ZNF354A: variants seen among roughly 807,000 people sequenced by gnomAD.
ZNF354A encodes epididymis luminal protein 104.
In ZNF354A, 25 loss-of-function variants were observed where a neutral mutation model predicts 53.3. The observed-to-expected ratio is 0.47, with a 90% CI of 0.34 to 0.66. The LOEUF is 0.66. Among genes scored for constraint, ZNF354A ranks in the 30% least tolerant of loss-of-function variants. The pLI is 0.01. For missense variants in ZNF354A, 586 were observed against 716.8 expected, an observed-to-expected ratio of 0.82 and a Z score of 2.08; for synonymous variants, 228 against 249.0, an observed-to-expected ratio of 0.92 and a Z score of 0.79.
At chr5:178,727,939 C>T (rs1362396872) in intron 2 of ZNF354A, among the ~76,000 whole-genome samples, 2 of 152,134 alleles carry the variant, frequency 1.3e-5, no homozygotes, top group Non-Finnish European at 2.9e-5. Context: ...TAACCTCCAC[C>T]TTCCGGGTTC....
chr5:178,711,838 T>C lies in ZNF354A; in HGVS notation c.*222A>G, dbSNP rs371737094. The C allele has an allele frequency of 8.9e-5, 42 of 473,322 alleles. 1 individual carries two copies. In the Admixed American group the frequency reaches 9.1e-4, roughly 10 times the overall value. The allele number at this position is 473,322 out of a possible 1,614,324, so 29.3% of individuals were successfully genotyped here. A position where few individuals can be genotyped will look rare whatever the true frequency, so the allele number is the denominator to read the frequency against. ...AAATGGCTAAAGTCAATGTCTTCAATTGTAAATTCTTCATCTCAGGTTATT... is the reference window on the plus strand; with the variant it reads ...AAATGGCTAAAGTCAATGTCTTCAACTGTAAATTCTTCATCTCAGGTTATT... On this transcript the variant is annotated 3_prime_UTR_variant, in exon 5 of 5. Coordinates refer to ENST00000335815, the MANE Select transcript of ZNF354A (RefSeq NM_005649.3).
At chr5:178,718,235 G>C (rs2113873136) in intron 4 of ZNF354A, among the ~76,000 whole-genome samples, 1 of 152,250 alleles carries the variant, frequency 6.6e-6, no homozygotes, top group South Asian at 2.1e-4. Context: ...CTTTCTAGAG[G>C]CCTACAAATA....
At position 178,724,318 on chromosome 5, in the gene ZNF354A, G is replaced by A. The variant is rs867689025; in HGVS notation, c.256+1058C>T. On this transcript the variant is annotated intron_variant, in intron 4 of 4. Transcript: ENST00000335815. ...CGGCTCACTGCAACCTCCGCCTCCC[G>A]GGTTCAAGTGTTTCTCCTGTCTCAG... is the stretch of plus-strand genomic sequence containing the variant. Among the ~76,000 whole-genome samples, 4 of 151,526 alleles carry A rather than the reference G, an allele frequency of 2.6e-5. 1 individual carries two copies. The South Asian group carries it at 6.3e-4, about 24-fold the overall frequency.
chr5:178,725,541 T>C, intron 3 of ZNF354A, 70 bp from the exon 4 acceptor site: 1 of 1,494,558 alleles, frequency 6.7e-7, no homozygotes, highest in South Asian at 1.1e-5. Flanking sequence ...TTATCCCAAA[T>C]TTAAATACAG....
chr5:178,725,897 G>A (rs1230026611), intron 3 of ZNF354A, among the ~76,000 whole-genome samples: 1 of 152,108 alleles, frequency 6.6e-6, no homozygotes, highest in African/African-American at 2.4e-5. Flanking sequence ...TGCCAGGCTG[G>A]AGTGCAGTGG....
intron 3 of ZNF354A, among the ~76,000 whole-genome samples, chr5:178,726,777 G>A (rs1454210456): frequency 6.6e-6 from 1 of 152,176 alleles, no homozygotes; most frequent in African/African-American, 2.4e-5. Context: ...CATAGAGAGA[G>A]AGGAATGATT....
intron 4 of ZNF354A, among the ~76,000 whole-genome samples, chr5:178,715,349 A>C (rs903208764): frequency 2.6e-5 from 4 of 151,684 alleles, no homozygotes; most frequent in Non-Finnish European, 4.4e-5. Flanking sequence ...TTCATGGATA[A>C]CTCTTCTTCC....
chr5:178,725,473 T>C lies in ZNF354A; in HGVS notation c.161-2A>G. 1 of 1,613,768 alleles carries C rather than the reference T, an allele frequency of 6.2e-7. No individual in the cohort carries two copies. The highest frequency in any genetic ancestry group is 8.5e-7 in the Non-Finnish European group (1 of 1,179,838). On this transcript the variant is annotated splice_acceptor_variant, in intron 3 of 4. Coordinates refer to ENST00000335815, the MANE Select transcript of ZNF354A (RefSeq NM_005649.3). LOFTEE classifies it high-confidence loss of function. Reference sequence around the variant, plus strand: ...CTTTTGGTTTGGTAAATGGGAGCCCTGCACATAAACAAAAAACCACAACCA... The same window carrying C: ...CTTTTGGTTTGGTAAATGGGAGCCCCGCACATAAACAAAAAACCACAACCA...
chr5:178,722,862 C>A (rs1307191897), intron 4 of ZNF354A, among the ~76,000 whole-genome samples: 2 of 152,178 alleles, frequency 1.3e-5, no homozygotes, highest in African/African-American at 4.8e-5. Flanking sequence ...GGCTGCAGGG[C>A]TGCGTGTCAG....
Position 178,712,910 on chromosome 5 carries a change from T to C in ZNF354A, c.968A>G (p.Glu323Gly), listed in dbSNP as rs1765647488. The change falls in exon 5 of 5, where the codon GAA (glutamate) becomes GGA (glycine). Residue 323 changes from glutamate to glycine, a missense_variant. Coordinates refer to ENST00000335815, the MANE Select transcript of ZNF354A (RefSeq NM_005649.3). The part of the protein sequence containing the change: ...LFIHQKIHAE[E>G]NPCKYNPGRK... ...ACCCGGATTATACTTACAAGGGTTT[T>C]CTTCAGCATGAATTTTTTGATGTAT... The C allele has an allele frequency of 3.1e-6, 5 of 1,614,198 alleles. No individual in the cohort carries two copies. The highest frequency in any genetic ancestry group is 4.2e-6 in the Non-Finnish European group (5 of 1,180,020).
At chr5:178,720,930 C>T (rs11742176) in intron 4 of ZNF354A, among the ~76,000 whole-genome samples, 35,841 of 152,120 alleles carry the variant, frequency 0.24, 4,923 homozygotes, top group South Asian at 0.39. Context: ...GTGGCTAAGC[C>T]ACCAACCTGG....
Position 178,727,030 on chromosome 5 carries a change from C to A in ZNF354A, c.129G>T (p.Met43Ile). 1 of 1,613,770 alleles carries A rather than the reference C, an allele frequency of 6.2e-7. No individual in the cohort carries two copies. Among genetic ancestry groups the A allele is most frequent in the Non-Finnish European group, 8.5e-7 (1 of 1,179,876 alleles). The part of the protein sequence containing the change: ...PSQRNLYRDV[M>I]LENYRNLVSL... ...AGACCAGGTTCCTATAGTTCTCCAG[C>A]ATCACATCCCGGTACAAGTTTCTCT... Residue 43 changes from methionine (M) to isoleucine (I), a missense_variant, in exon 3 of 5, where the codon ATG (methionine) becomes ATT (isoleucine). Around this residue, in one of 2 missense-constraint regions of ZNF354A, gnomAD observed 573 missense variants for 680.1 expected, o/e 0.84. Transcript: ENST00000335815.
chr5:178,726,121 T>C (rs1305123205), intron 3 of ZNF354A: 28 of 452,130 alleles, frequency 6.2e-5, no homozygotes, highest in East Asian at 7.0e-5. Context: ...GGATTACAGG[T>C]GTGAGCCACC....
Position 178,726,050 on chromosome 5 carries a change from G to T in ZNF354A, c.161-579C>A, listed in dbSNP as rs1765899887. ...GTAGAGACAGGGTTTCACCATGTTGGCCAGGATGGTCTTGATCTTCTGACC... is the reference window on the plus strand; with the variant it reads ...GTAGAGACAGGGTTTCACCATGTTGTCCAGGATGGTCTTGATCTTCTGACC... On this transcript the variant is annotated intron_variant, in intron 3 of 4. Transcript: ENST00000335815. The T allele has an allele frequency of 1.0e-5, 4 of 392,852 alleles. 1 individual carries two copies. The highest frequency in any genetic ancestry group is 2.1e-5 in the Non-Finnish European group (4 of 192,000). 24.3% of individuals were successfully genotyped at this position (392,852 alleles called of 1,614,324 possible). A position where few individuals can be genotyped will look rare whatever the true frequency, so the allele number is the denominator to read the frequency against.
chr5:178,723,835 G>A (rs1441110843), intron 4 of ZNF354A, among the ~76,000 whole-genome samples: 1 of 151,456 alleles, frequency 6.6e-6, no homozygotes, highest in Non-Finnish European at 1.5e-5. Flanking sequence ...CTGCCACGAT[G>A]GCCCCTCCCC....
chr5:178,722,305 G>A (rs1281648707), intron 4 of ZNF354A, among the ~76,000 whole-genome samples: 1 of 151,964 alleles, frequency 6.6e-6, no homozygotes, highest in Non-Finnish European at 1.5e-5. Context: ...ACATTTTGAG[G>A]TACTGTACTC....
chr5:178,728,011 C>T (rs546245158), intron 2 of ZNF354A, among the ~76,000 whole-genome samples: 17 of 152,226 alleles, frequency 1.1e-4, no homozygotes, highest in East Asian at 9.7e-4. Flanking sequence ...ACACCATGCC[C>T]GGCTAATTTT....
intron 4 of ZNF354A, among the ~76,000 whole-genome samples, chr5:178,721,713 T>C (rs534505802): frequency 3.3e-4 from 51 of 152,264 alleles, no homozygotes; most frequent in Non-Finnish European, 5.3e-4. Context: ...TCTGCATCTT[T>C]CCACAGGCAA....
chr5:178,726,998 C>T lies in ZNF354A; in HGVS notation c.160+1G>A, dbSNP rs1474714190. ...TGTTTCTAGAGGGAAAATTTCCTTA[C>T]CCAGTGAGACCAGGTTCCTATAGTT... On this transcript the variant is annotated splice_donor_variant, in intron 3 of 4. Coordinates refer to ENST00000335815, the MANE Select transcript of ZNF354A (RefSeq NM_005649.3). LOFTEE classifies it high-confidence loss of function. The T allele has an allele frequency of 1.9e-6, 3 of 1,604,154 alleles. No homozygotes were observed. Among genetic ancestry groups the T allele is most frequent in the Non-Finnish European group, 2.6e-6 (3 of 1,176,286 alleles).
Sources: gnomAD v4.1 joint callset for allele counts (sites outside exome capture counted in the v4.1 genomes callset) on GRCh38, gnomAD v4.1.1 for gene constraint, gnomAD v4.1.1 regional missense constraint, MANE v1.5 for transcripts, NCBI Gene and HGNC (gene_info 2026-07-23, HGNC 2026-07-21) for gene names.